The following GRIP1 variants were observed in gnomAD, a reference collection of about 807,000 sequenced individuals.
GRIP1 encodes the protein glutamate receptor-interacting protein 1.
In GRIP1, 45 loss-of-function variants were observed where a neutral mutation model predicts 129.9. That is an observed-to-expected ratio of 0.35 (90% CI 0.27 to 0.44). GRIP1 has a LOEUF of 0.44. Among genes scored for constraint, GRIP1 ranks in the 20% least tolerant of loss-of-function variants. The probability of loss-of-function intolerance (pLI) is 1.00; values close to 1 mark genes in which losing one functional copy is unlikely to be tolerated. For missense variants in GRIP1, 1,196 were observed against 1,396.8 expected, an observed-to-expected ratio of 0.86 and a Z score of 2.29; for synonymous variants, 530 against 520.8, an observed-to-expected ratio of 1.02 and a Z score of -0.24.
At chr12:66,594,166 T>C (rs1565894698) in intron 2 of GRIP1, among the ~76,000 whole-genome samples, 2 of 151,498 alleles carry the variant, frequency 1.3e-5, no homozygotes, top group Admixed American at 6.6e-5. Context: ...TGCATCTTAC[T>C]TGGGAGGGGC....
chr12:66,619,681 C>T (rs1021193761), intron 1 of GRIP1, among the ~76,000 whole-genome samples: 1 of 151,902 alleles, frequency 6.6e-6, no homozygotes, highest in African/African-American at 2.4e-5. Context: ...TGCAAGAAAA[C>T]CAAAAGGAGG....
intron 1 of GRIP1, among the ~76,000 whole-genome samples, chr12:66,862,998 A>C (rs926438472): frequency 8.5e-5 from 13 of 152,112 alleles, no homozygotes; most frequent in African/African-American, 2.7e-4. Context: ...AAGTACATGT[A>C]AAGTTGGATG....
intron 1 of GRIP1, among the ~76,000 whole-genome samples, chr12:66,893,434 C>T (rs1361656851): frequency 6.6e-6 from 1 of 152,054 alleles, no homozygotes; most frequent in Non-Finnish European, 1.5e-5. Flanking sequence ...GATGGGGTCT[C>T]ACCATGTTGC....
chr12:66,952,418 G>A (rs144566134), intron 1 of GRIP1, among the ~76,000 whole-genome samples: 258 of 152,214 alleles, frequency 1.7e-3, no homozygotes, highest in African/African-American at 5.1e-3. Flanking sequence ...AAGTTTCTCC[G>A]TTATAAATGT....
chr12:66,653,357 A>G (rs983200591), intron 1 of GRIP1, among the ~76,000 whole-genome samples: 4 of 152,208 alleles, frequency 2.6e-5, no homozygotes, highest in African/African-American at 9.6e-5. Context: ...AACAGCTCAC[A>G]TTTTTGCAGA....
chr12:66,795,899 AAAAC>A (rs745951145), intron 1 of GRIP1, among the ~76,000 whole-genome samples: 1 of 152,220 alleles, frequency 6.6e-6, no homozygotes, highest in Non-Finnish European at 1.5e-5. Flanking sequence ...TGTTCTACAG[AAAAC>A]AAACAACGAC....
At chr12:67,024,012 T>G (rs1170764187) in intron 1 of GRIP1, among the ~76,000 whole-genome samples, 2 of 152,160 alleles carry the variant, frequency 1.3e-5, no homozygotes, top group Admixed American at 1.3e-4. Context: ...ACCAGGACCT[T>G]CCAGCCAGGG....
At chr12:66,419,319 G>A (rs546600444) in intron 15 of GRIP1, among the ~76,000 whole-genome samples, 1 of 152,134 alleles carries the variant, frequency 6.6e-6, no homozygotes, top group African/African-American at 2.4e-5. Flanking sequence ...GGGGGGGTCA[G>A]CGTGGGGAAA....
chr12:66,967,886 T>G (rs1257636905), intron 1 of GRIP1, among the ~76,000 whole-genome samples: 1 of 152,178 alleles, frequency 6.6e-6, no homozygotes, highest in East Asian at 1.9e-4. Flanking sequence ...TGAATTTCCA[T>G]GCAAGCTTGA....
chr12:66,558,611 C>T (rs921788027), intron 2 of GRIP1, among the ~76,000 whole-genome samples: 5 of 152,010 alleles, frequency 3.3e-5, no homozygotes, highest in African/African-American at 7.2e-5. Flanking sequence ...ATAAAATGTA[C>T]CAAGATTGAG....
intron 1 of GRIP1, among the ~76,000 whole-genome samples, chr12:66,649,132 T>G (rs1012333076): frequency 1.3e-5 from 2 of 152,226 alleles, no homozygotes; most frequent in African/African-American, 2.4e-5. Context: ...TAACTGTATA[T>G]CAAATAAAAT....
chr12:66,793,267 A>G (rs2038597195), intron 1 of GRIP1, among the ~76,000 whole-genome samples: 1 of 152,192 alleles, frequency 6.6e-6, no homozygotes, highest in South Asian at 2.1e-4. Context: ...ATGGCTGGAC[A>G]TGACACAGGA....
chr12:66,750,061 G>A (rs2037076804), intron 1 of GRIP1, among the ~76,000 whole-genome samples: 1 of 152,120 alleles, frequency 6.6e-6, no homozygotes. Flanking sequence ...ATTCCAATGT[G>A]TATATGTCTA....
chr12:66,515,583 G>T, intron 7 of GRIP1, 36 bp downstream of exon 7: 1 of 1,587,312 alleles, frequency 6.3e-7, no homozygotes, highest in Non-Finnish European at 8.6e-7. Flanking sequence ...TGACGTTCTG[G>T]TGCTTAGAGA....
chr12:66,770,655 G>C (rs936906363), intron 1 of GRIP1, among the ~76,000 whole-genome samples: 1 of 152,126 alleles, frequency 6.6e-6, no homozygotes. Context: ...AGCTTGAAAA[G>C]GTAAGCCAAA....
At chr12:66,639,835 A>C (rs2031763146) in intron 1 of GRIP1, among the ~76,000 whole-genome samples, 1 of 152,236 alleles carries the variant, frequency 6.6e-6, no homozygotes. Context: ...ACATATGAGC[A>C]ACTGGATGAA....
chr12:66,531,786 A>T (rs909838139), intron 4 of GRIP1, among the ~76,000 whole-genome samples: 4 of 152,202 alleles, frequency 2.6e-5, no homozygotes, highest in Non-Finnish European at 5.9e-5. Flanking sequence ...GAAATTGGTT[A>T]AGAAAATGAT....
chr12:66,901,549 T>C (rs943442259), intron 1 of GRIP1, among the ~76,000 whole-genome samples: 6 of 152,232 alleles, frequency 3.9e-5, no homozygotes, highest in African/African-American at 1.4e-4. Flanking sequence ...CAAGGGAAGA[T>C]GGCACACATT....
At chr12:66,991,191 T>A (rs2042389460) in intron 1 of GRIP1, among the ~76,000 whole-genome samples, 2 of 152,010 alleles carry the variant, frequency 1.3e-5, no homozygotes, top group South Asian at 4.1e-4. Context: ...GAGAATGGCA[T>A]GAACCCGGGA....
Sources: allele counts gnomAD v4.1 joint callset (sites outside exome capture counted in the v4.1 genomes callset), GRCh38; gene constraint gnomAD v4.1.1; transcripts MANE v1.5; gene names NCBI Gene and HGNC (gene_info 2026-07-23, HGNC 2026-07-21).